MGAT5B: variants seen among roughly 807,000 people sequenced by gnomAD.
MGAT5B encodes the protein alpha-1,6-mannosylglycoprotein 6-beta-N-acetylglucosaminyltransferase B.
Under a neutral mutation model 95.1 loss-of-function variants are expected in MGAT5B, and 54 were observed. The ratio of observed to expected loss-of-function variants is 0.57; its 90% CI spans 0.46 to 0.71. The LOEUF (loss-of-function observed/expected upper bound fraction) is 0.71. Ranked by LOEUF, MGAT5B falls within the 30% of genes least tolerant of loss-of-function variation. The probability of loss-of-function intolerance (pLI) is 0.00; values close to 1 mark genes in which losing one functional copy is unlikely to be tolerated. For missense variants in MGAT5B, 935 were observed against 1,088.6 expected (o/e 0.86, Z 1.99); for synonymous variants, 464 against 451.0 (o/e 1.03, Z -0.36).
At chr17:76,897,734 T>TCTTTCTTTCTTTCTTTCTTTCTTTC (rs1567800456) in intron 3 of MGAT5B, among the ~76,000 whole-genome samples, 1 of 58,992 alleles carries the variant, frequency 1.7e-5, no homozygotes, top group African/African-American at 2.7e-4. Context: ...TCTTTTTCTT[T>TCTTTCTTTCTTTCTTTCTTTCTTTC]TTTTTTTTTT....
chr17:76,893,424 C>G (rs572937864), intron 3 of MGAT5B, among the ~76,000 whole-genome samples: 1 of 152,344 alleles, frequency 6.6e-6, no homozygotes, highest in South Asian at 2.1e-4. Flanking sequence ...TGTTCATGTT[C>G]ACGCTGCTCT....
chr17:76,940,349 C>T lies in MGAT5B; in HGVS notation c.1585-53C>T. 1 of 1,518,344 alleles carries T rather than the reference C, an allele frequency of 6.6e-7. No homozygotes were observed. The highest frequency in any genetic ancestry group is 8.8e-7 in the Non-Finnish European group (1 of 1,131,494). 94.1% of individuals were successfully genotyped at this position (1,518,344 alleles called of 1,614,324 possible). On this transcript the variant is annotated intron_variant, in intron 13 of 17. Transcript: ENST00000569840. This position sits in a 1 kb window ranked among gnomAD's most constrained non-coding sequence, Gnocchi z 4.3. Reference sequence around the variant, plus strand: ...CTTGTCCCCGGCATCCTGGTGCTTACTGGGCTGTGGCGGCCCAGCCCTCCC... The same window carrying T: ...CTTGTCCCCGGCATCCTGGTGCTTATTGGGCTGTGGCGGCCCAGCCCTCCC...
At position 76,948,650 on chromosome 17, in the gene MGAT5B, C is replaced by T. The variant is rs1970111116; in HGVS notation, c.2191C>T (p.Pro731Ser). The T allele has an allele frequency of 6.2e-7, 1 of 1,611,840 alleles. No homozygotes were observed. The highest frequency in any genetic ancestry group is 8.5e-7 in the Non-Finnish European group (1 of 1,179,358). The stretch of plus-strand genomic sequence containing the variant: ...TGTGGTCCCTGCCAGGCTGCAGGTG[C>T]CCTGTGACAGCACCGAGTCGGAGAT... The part of the protein sequence containing the change: ...SQDAFLKLQV[P>S]CDSTESEMNH... Residue 731 changes from proline to serine, a missense_variant, in exon 18 of 18, where the codon CCC becomes TCC. Physicochemically the swap from Pro to Ser is moderately conservative, Grantham distance 74. Coordinates refer to ENST00000569840, the MANE Select transcript of MGAT5B (RefSeq NM_001199172.2).
At chr17:76,875,384 C>G (rs1360746325) in intron 2 of MGAT5B, among the ~76,000 whole-genome samples, 1 of 152,096 alleles carries the variant, frequency 6.6e-6, no homozygotes, top group Non-Finnish European at 1.5e-5. Flanking sequence ...TTCCCTTTTG[C>G]TCGGTACTTC....
At chr17:76,892,295 GC>G (rs1293857034) in intron 3 of MGAT5B, among the ~76,000 whole-genome samples, 1 of 152,196 alleles carries the variant, frequency 6.6e-6, no homozygotes, top group Non-Finnish European at 1.5e-5. Context: ...TGATCCGCCC[GC>G]CCCGGCCTCC....
At chr17:76,948,150 G>A in intron 17 of MGAT5B, 64 bp downstream of exon 17, 1 of 1,523,966 alleles carries the variant, frequency 6.6e-7, no homozygotes, top group Non-Finnish European at 8.8e-7. Context: ...GGTTCACTGA[G>A]AGCTCTCATG....
rs985923816 is a variant in MGAT5B, at chr17:76,902,931, C to T, written c.445+261C>T. ...GTCCACAGTTCCAGGAGTGAGGCCA[C>T]CTGGGGAAGGGTCCCTCGGCGGCCC... On this transcript the variant is annotated intron_variant, in intron 4 of 17. Transcript: ENST00000569840. 1.1e-4 allele frequency among the ~76,000 whole-genome samples: 17 copies of T among 152,140 alleles called. 1 individual carries two copies. Among genetic ancestry groups the T allele is most frequent in the African/African-American group, 3.9e-4 (16 of 41,436 alleles).
At chr17:76,935,811 T>A (rs1353300682) in intron 12 of MGAT5B, among the ~76,000 whole-genome samples, 1 of 142,702 alleles carries the variant, frequency 7.0e-6, no homozygotes, top group East Asian at 2.0e-4. Flanking sequence ...TTATATATAT[T>A]ATATAATTAT....
chr17:76,943,612 A>ATGGGG (rs1436100511), intron 15 of MGAT5B, among the ~76,000 whole-genome samples: 2 of 84,550 alleles, frequency 2.4e-5, no homozygotes, highest in Non-Finnish European at 4.5e-5. Context: ...TTGAATAGAG[A>ATGGGG]TGGGGTGGGG....
intron 13 of MGAT5B, among the ~76,000 whole-genome samples, chr17:76,939,663 T>G (rs28417814): frequency 0.19 from 28,206 of 152,082 alleles, 2,786 homozygotes; most frequent in East Asian, 0.24. Context: ...CTTCCGTCTT[T>G]ACCCCCTTCC....
rs1255254383 is a variant in MGAT5B, at chr17:76,882,155, G to A, written c.186G>A (p.Met62Ile). The change falls in exon 3 of 18, where the codon ATG becomes ATA. Residue 62 changes from methionine (M) to isoleucine (I), a missense_variant. Met to Ile is a conservative substitution (Grantham distance 10, BLOSUM62 1). Coordinates refer to ENST00000569840, the MANE Select transcript of MGAT5B (RefSeq NM_001199172.2). ...DSPFTIRTEV[M>I]GGPESRGVLR... ...ATACCCACACTCTGCCCACAGTGATGGGGGGCCCCGAGTCCCGCGGCGTCC... is the reference window on the plus strand; with the variant it reads ...ATACCCACACTCTGCCCACAGTGATAGGGGGCCCCGAGTCCCGCGGCGTCC... The A allele has an allele frequency of 1.9e-6, 3 of 1,608,960 alleles. No individual in the cohort carries two copies. Among genetic ancestry groups the A allele is most frequent in the Non-Finnish European group, 2.5e-6 (3 of 1,177,178 alleles).
At chr17:76,882,034 G>A (rs928446161) in intron 2 of MGAT5B, 117 bp from the exon 3 acceptor site, 6 of 1,055,748 alleles carry the variant, frequency 5.7e-6, no homozygotes, top group Non-Finnish European at 8.0e-6. Flanking sequence ...GGGGTCTGGT[G>A]TTGGTTGGTG....
At position 76,905,962 on chromosome 17, in the gene MGAT5B, G is replaced by T; in HGVS notation, c.856-56G>T. 2 of 1,505,594 alleles carry T rather than the reference G, an allele frequency of 1.3e-6. No individual in the cohort carries two copies. Among genetic ancestry groups the T allele is most frequent in the Non-Finnish European group, 1.8e-6 (2 of 1,129,156 alleles). The allele number at this position is 1,505,594 out of a possible 1,614,324, so 93.3% of individuals were successfully genotyped here. On this transcript the variant is annotated intron_variant, in intron 7 of 17. Coordinates refer to ENST00000569840, the MANE Select transcript of MGAT5B (RefSeq NM_001199172.2). The surrounding 1 kb of genome is among the most constrained non-coding windows in gnomAD (Gnocchi z 4.2). ...GTCTCCTGGCCGGTGCCCCGGGGGG[G>T]CGGGGCTCAGAGCTGCTGCTCCTCT... is the stretch of plus-strand genomic sequence containing the variant.
At chr17:76,908,807 C>A (rs1968627062) in intron 8 of MGAT5B, among the ~76,000 whole-genome samples, 1 of 144,732 alleles carries the variant, frequency 6.9e-6, no homozygotes, top group Admixed American at 7.3e-5. Context: ...CCCTACTCTG[C>A]TATCTTTTTT....
intron 16 of MGAT5B, among the ~76,000 whole-genome samples, chr17:76,947,329 G>A (rs1185963283): frequency 3.3e-5 from 5 of 152,202 alleles, no homozygotes; most frequent in Non-Finnish European, 7.4e-5. Flanking sequence ...GTGTATTCAG[G>A]TGAGGGGGTG....
At position 76,949,813 on chromosome 17, in the gene MGAT5B, A is replaced by G. The variant is rs1970151236; in HGVS notation, c.*975A>G. Reference sequence around the variant, plus strand: ...GCACTCCCTGGCATTTTTTGCAGACAAGGGCTTGGGATGGACCCTCAGCCC... The same window carrying G: ...GCACTCCCTGGCATTTTTTGCAGACGAGGGCTTGGGATGGACCCTCAGCCC... On this transcript the variant is annotated 3_prime_UTR_variant, in exon 18 of 18. Transcript: ENST00000569840. The G allele has an allele frequency of 6.6e-6, 1 of 152,052 alleles. No homozygotes were observed. The highest frequency in any genetic ancestry group is 2.1e-4 in the South Asian group (1 of 4,824). The allele number at this position is 152,052 out of a possible 1,614,324, so 9.4% of individuals were successfully genotyped here.
At chr17:76,873,404 C>G (rs1343415071) in intron 2 of MGAT5B, among the ~76,000 whole-genome samples, 1 of 152,220 alleles carries the variant, frequency 6.6e-6, no homozygotes, top group Non-Finnish European at 1.5e-5. Context: ...CCTCCCAGGC[C>G]CCATCACTCC....
intron 8 of MGAT5B, among the ~76,000 whole-genome samples, chr17:76,919,747 G>A (rs1373363513): frequency 6.6e-6 from 1 of 152,198 alleles, no homozygotes; most frequent in Non-Finnish European, 1.5e-5. Flanking sequence ...TTACAAACTT[G>A]TAGTAAGATG....
intron 8 of MGAT5B, among the ~76,000 whole-genome samples, chr17:76,907,055 CT>C (rs111711663): frequency 0.013 from 1,822 of 140,806 alleles, 18 homozygotes; most frequent in African/African-American, 0.027. Flanking sequence ...TATTCCTTTG[CT>C]TTTTTTTTTT....
Sources: gnomAD v4.1 joint callset for allele counts (sites outside exome capture counted in the v4.1 genomes callset) on GRCh38, gnomAD v4.1.1 for gene constraint, Gnocchi (gnomAD v3.1) non-coding constraint, MANE v1.5 for transcripts, NCBI Gene and HGNC (gene_info 2026-07-23, HGNC 2026-07-21) for gene names.